The following ARAP2 variants were observed in gnomAD, a reference collection of about 807,000 sequenced individuals.
ARAP2 encodes arf-GAP with Rho-GAP domain, ANK repeat and PH domain-containing protein 2.
A neutral mutation model predicts 194.5 loss-of-function variants in ARAP2; 148 were observed. The ratio of observed to expected loss-of-function variants is 0.76; its 90% CI spans 0.67 to 0.87. ARAP2 has a LOEUF of 0.87. Ranked by LOEUF, ARAP2 falls within the 40% of genes least tolerant of loss-of-function variation. The pLI is 0.00. For synonymous variants in ARAP2, 695 were observed against 683.5 expected (o/e 1.02, Z -0.26); for missense variants, 2,128 against 1,989.7 (o/e 1.07, Z -1.32).
intron 8 of ARAP2, among the ~76,000 whole-genome samples, chr4:36,184,600 A>G (rs1319930971): frequency 6.6e-6 from 1 of 152,204 alleles, no homozygotes; most frequent in Non-Finnish European, 1.5e-5. Flanking sequence ...GGATTGGTAC[A>G]CTCTACTTAA....
chr4:36,108,504 G>A (rs1198786951), intron 26 of ARAP2, among the ~76,000 whole-genome samples: 1 of 151,766 alleles, frequency 6.6e-6, no homozygotes, highest in African/African-American at 2.4e-5. Context: ...AACTACTAGT[G>A]GGAATATAAA....
At chr4:36,232,713 C>G (rs890920766) in intron 1 of ARAP2, among the ~76,000 whole-genome samples, 1 of 152,210 alleles carries the variant, frequency 6.6e-6, no homozygotes, top group Non-Finnish European at 1.5e-5. Context: ...TCTGTGAAGG[C>G]ATCTTATCAA....
chr4:36,114,348 G>C, intron 25 of ARAP2, 61 bp from the exon 26 acceptor site: 1 of 998,818 alleles, frequency 1.0e-6, no homozygotes, highest in South Asian at 1.5e-5. Flanking sequence ...CCTTATGCTA[G>C]GTCAATAATA....
chr4:36,243,321 CT>C (rs1331208002), intron 1 of ARAP2, among the ~76,000 whole-genome samples: 1 of 125,106 alleles, frequency 8.0e-6, no homozygotes, highest in African/African-American at 3.2e-5. Context: ...CAATACACTT[CT>C]TGATTTTTTT....
intron 12 of ARAP2, among the ~76,000 whole-genome samples, chr4:36,160,967 C>T (rs1733767888): frequency 6.6e-6 from 1 of 152,164 alleles, no homozygotes; most frequent in South Asian, 2.1e-4. Flanking sequence ...TGGGCTAATG[C>T]TGTCTGAAGT....
intron 14 of ARAP2, among the ~76,000 whole-genome samples, 180 bp from the exon 15 acceptor site, chr4:36,159,044 T>A (rs1733285632): frequency 1.3e-5 from 2 of 152,226 alleles, no homozygotes; most frequent in Admixed American, 1.3e-4. Flanking sequence ...TTAAGTCATA[T>A]TTATTATTCA....
intron 32 of ARAP2, among the ~76,000 whole-genome samples, chr4:36,069,184 C>A (rs1039869364): frequency 6.6e-6 from 1 of 152,036 alleles, no homozygotes; most frequent in Non-Finnish European, 1.5e-5. Context: ...TCAGTAGATC[C>A]AAACATAAAT....
At chr4:36,014,320 AAG>A (rs1408991485) in intron 8 of ARAP2, among the ~76,000 whole-genome samples, 3 of 106,964 alleles carry the variant, frequency 2.8e-5, no homozygotes, top group Non-Finnish European at 4.0e-5. Context: ...GAAAGAAAGA[AAG>A]AGAGAAAGAA....
chr4:36,213,589 T>A (rs1248531375), intron 3 of ARAP2, among the ~76,000 whole-genome samples: 1 of 152,050 alleles, frequency 6.6e-6, no homozygotes, highest in African/African-American at 2.4e-5. Flanking sequence ...TCCCAACCTC[T>A]AGGATCCACA....
chr4:36,038,052 C>G (rs1166818177), intron 5 of ARAP2, among the ~76,000 whole-genome samples: 2 of 152,132 alleles, frequency 1.3e-5, no homozygotes, highest in Non-Finnish European at 2.9e-5. Flanking sequence ...CAGGAGACAT[C>G]CTGGGTTCTG....
At chr4:36,241,419 A>C (rs2109386059) in intron 1 of ARAP2, among the ~76,000 whole-genome samples, 1 of 152,276 alleles carries the variant, frequency 6.6e-6, no homozygotes, top group African/African-American at 2.4e-5. Flanking sequence ...GTATTCATTC[A>C]ATATATATTA....
intron 5 of ARAP2, among the ~76,000 whole-genome samples, chr4:36,035,740 T>C (rs1719797263): frequency 6.6e-6 from 1 of 152,156 alleles, no homozygotes; most frequent in African/African-American, 2.4e-5. Flanking sequence ...CTTCAAGATG[T>C]CAAAGATGTT....
chr4:36,212,597 G>C, intron 4 of ARAP2, 110 bp from the exon 5 acceptor site: 1 of 619,300 alleles, frequency 1.6e-6, no homozygotes, highest in East Asian at 2.9e-5. Context: ...TCTGAGTTTA[G>C]TTTTATTAAA....
intron 5 of ARAP2, among the ~76,000 whole-genome samples, chr4:36,039,688 T>C (rs1314625526): frequency 2.0e-5 from 3 of 152,198 alleles, no homozygotes; most frequent in African/African-American, 7.2e-5. Flanking sequence ...TGCAAGTCCA[T>C]GTCTAGGGTC....
At chr4:36,047,363 G>A (rs1722001046) in intron 3 of ARAP2, 1 of 152,146 alleles carries the variant, frequency 6.6e-6, no homozygotes, top group African/African-American at 2.4e-5. Flanking sequence ...CACTTGAGAG[G>A]TCTAAACTCA....
rs1453385566 is a variant in ARAP2, at chr4:36,083,365, T to C, written c.4508+3A>G. ...CTTTCAGCACTTCCCTTTCAAACTT[T>C]ACCTTGTTGGAGGCTTCATTTTCTT... On this transcript the variant is annotated splice_donor_region_variant and intron_variant, in intron 29 of 32. Transcript: ENST00000303965. 1.3e-6 allele frequency: 2 copies of C among 1,595,728 alleles called. No individual in the cohort carries two copies. The highest frequency in any genetic ancestry group is 1.7e-5 in the Admixed American group (1 of 57,446).
intron 28 of ARAP2, among the ~76,000 whole-genome samples, chr4:36,090,346 C>T (rs1340237875): frequency 6.6e-6 from 1 of 152,066 alleles, no homozygotes; most frequent in Non-Finnish European, 1.5e-5. Context: ...GATCTGGTAC[C>T]ATTCCTACTG....
At chr4:36,133,698 C>T (rs1417314241) in intron 19 of ARAP2, among the ~76,000 whole-genome samples, 3 of 151,704 alleles carry the variant, frequency 2.0e-5, no homozygotes, top group Non-Finnish European at 2.9e-5. Flanking sequence ...TTTCTGGTTA[C>T]GTTTTTTAAG....
At chr4:36,194,105 T>C (rs1324474150) in intron 6 of ARAP2, among the ~76,000 whole-genome samples, 1 of 152,226 alleles carries the variant, frequency 6.6e-6, no homozygotes, top group African/African-American at 2.4e-5. Flanking sequence ...ATGGAAAACA[T>C]ATTGAATTTT....
Sources: allele counts gnomAD v4.1 joint callset (sites outside exome capture counted in the v4.1 genomes callset), GRCh38; gene constraint gnomAD v4.1.1; transcripts MANE v1.5; gene names NCBI Gene and HGNC (gene_info 2026-07-23, HGNC 2026-07-21).